The following UVRAG variants were observed in gnomAD, a reference collection of about 807,000 sequenced individuals.
The protein encoded by UVRAG is UV radiation resistance associated.
In UVRAG, 19 loss-of-function variants were observed where a neutral mutation model predicts 78.0. That is an observed-to-expected ratio of 0.24 (90% CI 0.17 to 0.36). UVRAG has a LOEUF of 0.36. UVRAG is among the 10% of genes least tolerant of loss of function. The probability of loss-of-function intolerance (pLI) is 1.00; values close to 1 mark genes in which losing one functional copy is unlikely to be tolerated. For missense variants in UVRAG, 740 were observed against 853.8 expected (o/e 0.87, Z 1.66); for synonymous variants, 323 against 324.6 (o/e 1.00, Z 0.05).
chr11:76,068,406 C>G (rs1951236613), intron 13 of UVRAG, among the ~76,000 whole-genome samples: 1 of 152,146 alleles, frequency 6.6e-6, no homozygotes, highest in African/African-American at 2.4e-5. Context: ...TCCTCTCCAG[C>G]TTTATATATG....
chr11:75,933,298 TATCCAA>T (rs2135112763), intron 6 of UVRAG, among the ~76,000 whole-genome samples: 1 of 152,036 alleles, frequency 6.6e-6, no homozygotes, highest in East Asian at 1.9e-4. Flanking sequence ...GAAAACTAGA[TATCCAA>T]ATGCAGAAGA....
intron 9 of UVRAG, among the ~76,000 whole-genome samples, chr11:76,007,164 C>G (rs1473312373): frequency 1.3e-5 from 2 of 152,096 alleles, no homozygotes; most frequent in African/African-American, 2.4e-5. Flanking sequence ...AGGCATACGT[C>G]ACCAAGCCAG....
Position 75,875,213 on chromosome 11 carries a change from A to G in UVRAG, c.271-4666A>G, listed in dbSNP as rs961125835. Reference sequence around the variant, plus strand: ...CTCTTATAGGTACCATTTATTTGCTATTCATTCATTCTTGCAGCAAAAATG... The same window carrying G: ...CTCTTATAGGTACCATTTATTTGCTGTTCATTCATTCTTGCAGCAAAAATG... On this transcript the variant is annotated intron_variant, in intron 3 of 14. Transcript: ENST00000356136. Among the ~76,000 whole-genome samples, 9 of 152,118 alleles carry G rather than the reference A, an allele frequency of 5.9e-5. No homozygotes were observed. In the South Asian group the frequency reaches 1.0e-3, roughly 17 times the overall value.
chr11:76,105,512 C>T (rs1951953505), intron 13 of UVRAG, among the ~76,000 whole-genome samples: 1 of 152,200 alleles, frequency 6.6e-6, no homozygotes, highest in South Asian at 2.1e-4. Context: ...CTTTGGAAGA[C>T]CAAGGCAGGC....
At chr11:76,009,297 A>G (rs1950007200) in intron 11 of UVRAG, among the ~76,000 whole-genome samples, 2 of 152,180 alleles carry the variant, frequency 1.3e-5, no homozygotes, top group Admixed American at 6.5e-5. Flanking sequence ...TGAAGTTTCC[A>G]TTACCACAGG....
chr11:75,943,263 T>G (rs1948522177), intron 6 of UVRAG, among the ~76,000 whole-genome samples: 1 of 152,010 alleles, frequency 6.6e-6, no homozygotes, highest in Non-Finnish European at 1.5e-5. Flanking sequence ...TGAGACAATT[T>G]GGTAATTTAT....
At chr11:75,877,599 G>T (rs1282770397) in intron 3 of UVRAG, among the ~76,000 whole-genome samples, 4 of 138,176 alleles carry the variant, frequency 2.9e-5, no homozygotes, top group African/African-American at 2.7e-5. Flanking sequence ...TCGGCTGGCC[G>T]GGCGGGGGGC....
intron 14 of UVRAG, among the ~76,000 whole-genome samples, chr11:76,135,100 A>G (rs1952577777): frequency 6.6e-6 from 1 of 152,188 alleles, no homozygotes; most frequent in Non-Finnish European, 1.5e-5. Flanking sequence ...TGGAGGTTTC[A>G]TATCCCCACC....
intron 5 of UVRAG, among the ~76,000 whole-genome samples, chr11:75,893,670 CAAA>C (rs1048785134): frequency 0.017 from 1,021 of 60,356 alleles, 12 homozygotes; most frequent in African/African-American, 0.054. Context: ...CTATCTCTAC[CAAA>C]AAAAAAAAAA....
chr11:76,119,325 C>G (rs1050830408), intron 14 of UVRAG, among the ~76,000 whole-genome samples: 2 of 152,156 alleles, frequency 1.3e-5, no homozygotes, highest in African/African-American at 4.8e-5. Context: ...TCTGTACTCT[C>G]TTCTCTTTTT....
intron 5 of UVRAG, among the ~76,000 whole-genome samples, 163 bp from the exon 6 acceptor site, chr11:75,911,791 G>A (rs952387279): frequency 1.3e-5 from 2 of 152,106 alleles, no homozygotes; most frequent in African/African-American, 2.4e-5. Flanking sequence ...GAAAGGTTAG[G>A]CTTCTATTAC....
chr11:76,112,414 C>T lies in UVRAG; in HGVS notation c.1306-3510C>T, dbSNP rs543918850. Among the ~76,000 whole-genome samples the T allele has an allele frequency of 8.5e-5, 13 of 152,210 alleles. No homozygotes were observed. The South Asian group carries it at 1.9e-3, about 22-fold the overall frequency. ...TCAGGGTGTCATGAAAGTTACCTCC[C>T]ATGCTATCCTTTCCCAGAAAGATAT... On this transcript the variant is annotated intron_variant, in intron 13 of 14. Coordinates refer to ENST00000356136, the MANE Select transcript of UVRAG (RefSeq NM_003369.4).
chr11:76,077,891 C>T (rs1951431743), intron 13 of UVRAG, among the ~76,000 whole-genome samples: 1 of 152,160 alleles, frequency 6.6e-6, no homozygotes, highest in Non-Finnish European at 1.5e-5. Context: ...TCTATCTCTT[C>T]CTTTATCCTA....
intron 1 of UVRAG, among the ~76,000 whole-genome samples, chr11:75,827,016 A>G (rs577748391): frequency 6.6e-6 from 1 of 152,266 alleles, no homozygotes; most frequent in African/African-American, 2.4e-5. Flanking sequence ...TGGTTTTTAT[A>G]ATGTCCAAAA....
intron 13 of UVRAG, among the ~76,000 whole-genome samples, chr11:76,066,629 C>A (rs1951192467): frequency 6.6e-6 from 1 of 152,130 alleles, no homozygotes; most frequent in African/African-American, 2.4e-5. Context: ...CATGCCACCA[C>A]GCTCAGCTAA....
intron 13 of UVRAG, among the ~76,000 whole-genome samples, chr11:76,083,365 A>G (rs943732180): frequency 3.7e-4 from 56 of 152,274 alleles, no homozygotes; most frequent in African/African-American, 1.3e-3. Flanking sequence ...ATTTGTGACC[A>G]TTTTAGGGAT....
chr11:76,037,539 C>CAAAAAAAAAAAAAAAAAAAAAAAAAAAAA (rs61354759), intron 12 of UVRAG, among the ~76,000 whole-genome samples: 1 of 48,524 alleles, frequency 2.1e-5, no homozygotes, highest in Non-Finnish European at 5.2e-5. Flanking sequence ...TTTGTCTTTA[C>CAAAAAAAAAAAAAAAAAAAAAAAAAAAAA]AAAAAAAAAA....
At chr11:75,838,811 A>G (rs1945844686) in intron 1 of UVRAG, 1 of 152,240 alleles carries the variant, frequency 6.6e-6, no homozygotes, top group African/African-American at 2.4e-5. Flanking sequence ...TGATACCATG[A>G]TACCATACCT....
chr11:76,113,310 TAATG>T (rs1037860898), intron 13 of UVRAG, among the ~76,000 whole-genome samples: 1 of 152,012 alleles, frequency 6.6e-6, no homozygotes, highest in African/African-American at 2.4e-5. Context: ...AGCTAGTAGA[TAATG>T]TATGGGAAAG....
Sources: gnomAD v4.1 joint callset for allele counts (sites outside exome capture counted in the v4.1 genomes callset) on GRCh38, gnomAD v4.1.1 for gene constraint, MANE v1.5 for transcripts, NCBI Gene and HGNC (gene_info 2026-07-23, HGNC 2026-07-21) for gene names.